The following FPGS variants were observed in gnomAD, a reference collection of about 807,000 sequenced individuals.
FPGS encodes the protein folylpolyglutamate synthase, mitochondrial.
A neutral mutation model predicts 66.5 loss-of-function variants in FPGS; 53 were observed. That is an observed-to-expected ratio of 0.80 (90% CI 0.64 to 1.00). The LOEUF is 1.00. Among genes scored for constraint, FPGS ranks in the 50% least tolerant of loss-of-function variants. FPGS has a pLI of 0.00. For missense variants in FPGS, 702 were observed against 807.7 expected, an observed-to-expected ratio of 0.87 and a Z score of 1.59; for synonymous variants, 348 against 350.9, an observed-to-expected ratio of 0.99 and a Z score of 0.09.
Position 127,813,197 on chromosome 9 carries a change from C to T in FPGS, c.1357C>T (p.Gln453Ter), listed in dbSNP as rs772733624. ...TEVSSTGNAD[Q>*]QNFTVTLDQV... is the part of the protein sequence containing the mutation. ...AGGCCTTTCTCTGTGCCCCACAGAC[C>T]AACAGAACTTCACAGTGACACTGGA... The change falls in exon 15 of 15, where the codon CAA becomes TAA. Residue 453 changes from glutamine to a stop codon, truncating the protein, a stop_gained and splice_region_variant. Transcript: ENST00000373247. LOFTEE classifies it low-confidence loss of function (END_TRUNC). 4 of 1,574,536 alleles carry T rather than the reference C, an allele frequency of 2.5e-6. No individual in the cohort carries two copies. The highest frequency in any genetic ancestry group is 3.5e-6 in the Non-Finnish European group (4 of 1,156,478).
rs566396037 is a variant in FPGS, at chr9:127,807,337, C to T, written c.579+51C>T. The T allele has an allele frequency of 1.2e-6, 2 of 1,612,652 alleles. No homozygotes were observed. The highest frequency in any genetic ancestry group is 1.7e-6 in the Non-Finnish European group (2 of 1,178,732). On this transcript the variant is annotated intron_variant, in intron 6 of 14. Transcript: ENST00000373247. The surrounding 1 kb of genome is among the most constrained non-coding windows in gnomAD (Gnocchi z 5.8). ...GCATCTGAGGCCTTGGGAACGGGAACCTCAGCAGGCCTGGGGGCTCCCTGC... is the reference window on the plus strand; with the variant it reads ...GCATCTGAGGCCTTGGGAACGGGAATCTCAGCAGGCCTGGGGGCTCCCTGC...
At chr9:127,814,217 C>A, downstream of FPGS, 1 of 934,186 alleles carries the variant, frequency 1.1e-6, no homozygotes, top group Non-Finnish European at 1.3e-6. Flanking sequence ...GGTGGCCTGT[C>A]TGTGAGATGA....
rs199965349 is a variant in FPGS, at chr9:127,804,711, G to A, written c.386+11G>A. On this transcript the variant is annotated intron_variant, in intron 4 of 14. Coordinates refer to ENST00000373247, the MANE Select transcript of FPGS (RefSeq NM_004957.6). Reference sequence around the variant, plus strand: ...GACGGGATTCTTTAGGTACTGGCTTGTGGGGGGATGTGGTGTCTGTGTCCC... The same window carrying A: ...GACGGGATTCTTTAGGTACTGGCTTATGGGGGGATGTGGTGTCTGTGTCCC... 2 of 1,612,434 alleles carry A rather than the reference G, an allele frequency of 1.2e-6. No individual in the cohort carries two copies. Among genetic ancestry groups the A allele is most frequent in the Non-Finnish European group, 1.7e-6 (2 of 1,179,766 alleles).
chr9:127,804,724 G>A, intron 4 of FPGS, 24 bp downstream of exon 4: 1 of 1,612,996 alleles, frequency 6.2e-7, no homozygotes. Context: ...GGGGGATGTG[G>A]TGTCTGTGTC....
At chr9:127,814,182 A>G (rs936927213), downstream of FPGS, 4 of 984,916 alleles carry the variant, frequency 4.1e-6, no homozygotes, top group Non-Finnish European at 3.6e-6. Flanking sequence ...GCCTGGAACA[A>G]GTCCCTCCCT....
Position 127,802,999 on chromosome 9 carries a change from G to A in FPGS, c.75G>A (p.Gln25=). The part of the protein sequence containing the change: ...AAASARGITT[Q]VAARRGLSAW... ...CGTCTGCGCGCGGCATAACGACCCA[G>A]GTCGCGGCGCGGCGGGGCTTGAGCG... The change falls in exon 1 of 15, where the codon CAG becomes CAA. Residue 25 remains glutamine, a synonymous_variant. Transcript: ENST00000373247. 6.8e-7 allele frequency: 1 copy of A among 1,466,628 alleles called. No individual in the cohort carries two copies. Among genetic ancestry groups the A allele is most frequent in the South Asian group, 1.3e-5 (1 of 75,798 alleles). The allele number at this position is 1,466,628 out of a possible 1,614,324, so 90.9% of individuals were successfully genotyped here. A position where few individuals can be genotyped will look rare whatever the true frequency, so the allele number is the denominator to read the frequency against.
At chr9:127,811,953 T>TA (rs947783538) in intron 14 of FPGS, among the ~76,000 whole-genome samples, 16 of 152,216 alleles carry the variant, frequency 1.1e-4, no homozygotes, top group East Asian at 3.9e-4. Context: ...TGTATCATGT[T>TA]AAAAAAAGTT....
rs1688939647 is a variant in FPGS, at chr9:127,813,885, T to G, written c.*281T>G. ...TGTCTCCCCCAACACCCCGCCTGCC[T>G]CCTGGCTCAGGCCCAGCTTATTGTG... On this transcript the variant is annotated 3_prime_UTR_variant, in exon 15 of 15. Coordinates refer to ENST00000373247, the MANE Select transcript of FPGS (RefSeq NM_004957.6). 3 of 1,200,348 alleles carry G rather than the reference T, an allele frequency of 2.5e-6. No individual in the cohort carries two copies. The highest frequency in any genetic ancestry group is 3.7e-5 in the East Asian group (1 of 27,290). The allele number at this position is 1,200,348 out of a possible 1,614,324, so 74.4% of individuals were successfully genotyped here.
downstream of FPGS, chr9:127,814,463 G>C (rs1029238734): frequency 2.6e-5 from 4 of 152,316 alleles, no homozygotes; most frequent in African/African-American, 9.7e-5. Flanking sequence ...GGCCAACATG[G>C]TGAAACCCCG....
In FPGS at chr9:127,813,200, CAG is replaced by C; in HGVS notation, c.1362_1363del (p.Asn455LeufsTer84). 1 of 1,576,024 alleles carries C rather than the reference CAG, an allele frequency of 6.3e-7. No homozygotes were observed. Among genetic ancestry groups the C allele is most frequent in the Non-Finnish European group, 8.6e-7 (1 of 1,157,130 alleles). On this transcript the variant is annotated frameshift_variant, in exon 15 of 15. Coordinates refer to ENST00000373247, the MANE Select transcript of FPGS (RefSeq NM_004957.6). LOFTEE classifies it low-confidence loss of function (END_TRUNC). ...EVSSTGNADQ[Q>X]NFTVTLDQVL... ...CCTTTCTCTGTGCCCCACAGACCAA[CAG>C]AACTTCACAGTGACACTGGACCAGG...
Position 127,813,197 on chromosome 9 carries a change from C to G in FPGS, c.1357C>G (p.Gln453Glu), listed in dbSNP as rs772733624. 2 of 1,574,536 alleles carry G rather than the reference C, an allele frequency of 1.3e-6. No homozygotes were observed. The highest frequency in any genetic ancestry group is 2.3e-5 in the South Asian group (2 of 85,696). ...AGGCCTTTCTCTGTGCCCCACAGAC[C>G]AACAGAACTTCACAGTGACACTGGA... ...TEVSSTGNAD[Q>E]QNFTVTLDQV... is the part of the protein sequence containing the mutation. The change falls in exon 15 of 15, where the codon CAA (glutamine) becomes GAA (glutamate). Residue 453 changes from glutamine (Q) to glutamate (E), a missense_variant and splice_region_variant. Transcript: ENST00000373247.
downstream of FPGS, chr9:127,814,255 C>G (rs1830223988): frequency 1.6e-6 from 1 of 632,336 alleles, no homozygotes; most frequent in Non-Finnish European, 2.0e-6. Flanking sequence ...AGCCTGTTCA[C>G]CATATGCCAG....
rs1830191759 is a variant in FPGS, at chr9:127,813,759, C to G, written c.*155C>G. On this transcript the variant is annotated 3_prime_UTR_variant, in exon 15 of 15. Coordinates refer to ENST00000373247, the MANE Select transcript of FPGS (RefSeq NM_004957.6). Reference sequence around the variant, plus strand: ...GGGATGGGAGGCCGGGAGAGGATGTCTTTTTTAAGGCTCTGTGCCTTGGTC... The same window carrying G: ...GGGATGGGAGGCCGGGAGAGGATGTGTTTTTTAAGGCTCTGTGCCTTGGTC... The G allele has an allele frequency of 1.5e-6, 2 of 1,317,236 alleles. No individual in the cohort carries two copies. The highest frequency in any genetic ancestry group is 1.9e-6 in the Non-Finnish European group (2 of 1,040,262). 81.6% of individuals were successfully genotyped at this position (1,317,236 alleles called of 1,614,324 possible). A position where few individuals can be genotyped will look rare whatever the true frequency, so the allele number is the denominator to read the frequency against.
chr9:127,808,711 T>A lies in FPGS; in HGVS notation c.970+6T>A. ...GCAGCGGCAGGACCGCCATGGTGAG[T>A]GGGCAGCTGAGTGGGCAGGCAGGTG... On this transcript the variant is annotated splice_donor_region_variant and intron_variant, in intron 10 of 14. Transcript: ENST00000373247. 6.3e-7 allele frequency: 1 copy of A among 1,578,976 alleles called. No homozygotes were observed. The highest frequency in any genetic ancestry group is 8.6e-7 in the Non-Finnish European group (1 of 1,162,634).
Position 127,807,368 on chromosome 9 carries a change from T to C in FPGS, c.580-53T>C. ...CAGGCCTGGGGGCTCCCTGCTTCCA[T>C]GCGGCCTCTGGGCACCCTCATATCC... On this transcript the variant is annotated intron_variant, in intron 6 of 14. Coordinates refer to ENST00000373247, the MANE Select transcript of FPGS (RefSeq NM_004957.6). This position sits in a 1 kb window ranked among gnomAD's most constrained non-coding sequence, Gnocchi z 5.8. 6.2e-7 allele frequency: 1 copy of C among 1,612,492 alleles called. No individual in the cohort carries two copies. Among genetic ancestry groups the C allele is most frequent in the South Asian group, 1.1e-5 (1 of 91,080 alleles).
rs115146331 is a variant in FPGS at position 127,810,178 on chromosome 9, G to T, written c.1287+72G>T. 7,194 of 1,263,000 alleles carry T rather than the reference G, an allele frequency of 5.7e-3. 303 individuals carry two copies. In the African/African-American group the frequency reaches 0.093, roughly 16 times the overall value. 78.2% of individuals were successfully genotyped at this position (1,263,000 alleles called of 1,614,324 possible). ...GGGTCTGGCGGTGTGACCCTGGGGG[G>T]TGCCAATCCCCTCCCCCTTGAGTTG... On this transcript the variant is annotated intron_variant, in intron 13 of 14. Coordinates refer to ENST00000373247, the MANE Select transcript of FPGS (RefSeq NM_004957.6).
intron 1 of FPGS, 110 bp from the exon 2 acceptor site, chr9:127,804,175 G>T: frequency 7.2e-7 from 1 of 1,392,732 alleles, no homozygotes; most frequent in Non-Finnish European, 9.8e-7. Flanking sequence ...TGGCAGGCGG[G>T]CCTGGTACTG....
rs544321202 is a variant in FPGS, at chr9:127,804,345, C to G, written c.199C>G (p.Arg67Gly). Reference protein sequence around the residue: ...TNAGYLEQVKRQRGDPQTQLE... With the variant: ...TNAGYLEQVKGQRGDPQTQLE... ...TGCCGGCTACCTGGAGCAGGTGAAG[C>G]GCCAGCGGGGTGACCCTCAGACACA... The change falls in exon 2 of 15, where the codon CGC (arginine) becomes GGC (glycine). Residue 67 changes from arginine (R) to glycine (G), a missense_variant. Coordinates refer to ENST00000373247, the MANE Select transcript of FPGS (RefSeq NM_004957.6). 3 of 1,614,182 alleles carry G rather than the reference C, an allele frequency of 1.9e-6. No individual in the cohort carries two copies. In the South Asian group the frequency reaches 3.3e-5, roughly 18 times the overall value.
chr9:127,810,808 CT>C (rs1446412057), intron 13 of FPGS, 136 bp from the exon 14 acceptor site: 11 of 549,154 alleles, frequency 2.0e-5, no homozygotes, highest in Non-Finnish European at 3.7e-5. Flanking sequence ...GCTGAAGTAC[CT>C]TGGCTAGGTT....
Sources: gnomAD v4.1 joint callset for allele counts (sites outside exome capture counted in the v4.1 genomes callset) on GRCh38, gnomAD v4.1.1 for gene constraint, Gnocchi (gnomAD v3.1) non-coding constraint, MANE v1.5 for transcripts, NCBI Gene and HGNC (gene_info 2026-07-23, HGNC 2026-07-21) for gene names.